Variants in FNDC3A observed in about 807,000 individuals in gnomAD.
FNDC3A encodes the protein fibronectin type-III domain-containing protein 3A.
FNDC3A carries 32 observed loss-of-function variants against 148.9 expected under a neutral mutation model. The observed-to-expected ratio is 0.21, with a 90% CI of 0.16 to 0.29. FNDC3A has a LOEUF of 0.29. Ranked by LOEUF, FNDC3A falls within the 10% of genes least tolerant of loss-of-function variation. The pLI is 1.00. For missense variants in FNDC3A, 1,191 were observed against 1,452.8 expected, an observed-to-expected ratio of 0.82 and a Z score of 2.93; for synonymous variants, 472 against 473.6, an observed-to-expected ratio of 1.00 and a Z score of 0.04.
In FNDC3A at chr13:49,032,265, G is replaced by GTTTTTTC. The variant is rs780835884; in HGVS notation, c.99+25976_99+25977insTTTTTTC. ...ACAGTTAAACATAGTGTTACCCTATGACCCAGTAATTTCACTCCTAGGTAT... is the reference window on the plus strand; with the variant it reads ...ACAGTTAAACATAGTGTTACCCTATGTTTTTTCACCCAGTAATTTCACTCCTAGGTAT... On this transcript the variant is annotated intron_variant, in intron 2 of 25. Transcript: ENST00000492622. 6.4e-3 allele frequency among the ~76,000 whole-genome samples: 970 copies of GTTTTTTC among 152,208 alleles called. 2 individuals carry two copies. Among genetic ancestry groups the GTTTTTTC allele is most frequent in the Middle Eastern group, 0.014 (4 of 294 alleles).
At chr13:49,144,196 A>C (rs988746847) in intron 7 of FNDC3A, among the ~76,000 whole-genome samples, 2 of 152,014 alleles carry the variant, frequency 1.3e-5, no homozygotes, top group African/African-American at 4.8e-5. Flanking sequence ...TTTGTTTTAA[A>C]AAAGAAAAAA....
At chr13:49,085,957 A>T (rs1878782142) in intron 3 of FNDC3A, among the ~76,000 whole-genome samples, 1 of 147,694 alleles carries the variant, frequency 6.8e-6, no homozygotes, top group South Asian at 2.1e-4. Flanking sequence ...ATCTCGGCTC[A>T]CTGCAACCTC....
intron 1 of FNDC3A, among the ~76,000 whole-genome samples, chr13:48,977,495 C>T (rs1363211185): frequency 6.6e-6 from 1 of 152,194 alleles, no homozygotes; most frequent in Non-Finnish European, 1.5e-5. Context: ...TATTTACTAA[C>T]TCTTGTCATC....
intron 24 of FNDC3A, among the ~76,000 whole-genome samples, 188 bp from the exon 25 acceptor site, chr13:49,202,969 A>G (rs773677344): frequency 6.6e-6 from 1 of 152,238 alleles, no homozygotes; most frequent in Non-Finnish European, 1.5e-5. Flanking sequence ...GTGAGATCCC[A>G]TATCTTAGAA....
chr13:49,112,307 A>G (rs1185958716), intron 3 of FNDC3A, among the ~76,000 whole-genome samples: 1 of 152,232 alleles, frequency 6.6e-6, no homozygotes, highest in Non-Finnish European at 1.5e-5. Context: ...TCAGGAAGTT[A>G]GTTTACTGTA....
chr13:49,174,752 T>C (rs1428779071), intron 12 of FNDC3A, among the ~76,000 whole-genome samples, 193 bp downstream of exon 12: 1 of 152,206 alleles, frequency 6.6e-6, no homozygotes, highest in African/African-American at 2.4e-5. Flanking sequence ...ACAGGAAACA[T>C]TAAACTTACA....
chr13:49,114,828 C>A, intron 4 of FNDC3A, 97 bp downstream of exon 4: 1 of 864,274 alleles, frequency 1.2e-6, no homozygotes. Flanking sequence ...CATTTAATTA[C>A]TGAGGCTTAC....
chr13:49,004,175 G>T (rs1160384721), intron 1 of FNDC3A, among the ~76,000 whole-genome samples: 1 of 152,078 alleles, frequency 6.6e-6, no homozygotes, highest in Non-Finnish European at 1.5e-5. Context: ...GATAAGACTA[G>T]AATGTAGAAA....
At chr13:49,046,951 C>G (rs1311542293) in intron 2 of FNDC3A, among the ~76,000 whole-genome samples, 3 of 152,064 alleles carry the variant, frequency 2.0e-5, no homozygotes, top group Non-Finnish European at 2.9e-5. Flanking sequence ...GTGCACCCAT[C>G]ATCCGAGCAG....
rs117595629 is a variant in FNDC3A, at chr13:49,034,805, A to G, written c.99+28516A>G. Among the ~76,000 whole-genome samples the G allele has an allele frequency of 2.4e-4, 37 of 152,164 alleles. No homozygotes were observed. In the East Asian group the frequency reaches 6.7e-3, roughly 28 times the overall value. ...TAAGGGGGTGCATGTTATTGCTCAA[A>G]TATAAGCCATGTGAGCAGTGAATTC... On this transcript the variant is annotated intron_variant, in intron 2 of 25. Coordinates refer to ENST00000492622, the MANE Select transcript of FNDC3A (RefSeq NM_001079673.2).
chr13:49,163,304 G>A (rs535347906), intron 8 of FNDC3A, among the ~76,000 whole-genome samples: 25 of 152,276 alleles, frequency 1.6e-4, no homozygotes, highest in East Asian at 9.7e-4. Context: ...TGAGCTTTCC[G>A]GCTGCTTTGT....
At chr13:49,058,354 G>A (rs1876410317) in intron 2 of FNDC3A, among the ~76,000 whole-genome samples, 1 of 152,132 alleles carries the variant, frequency 6.6e-6, no homozygotes, top group Non-Finnish European at 1.5e-5. Context: ...GATTAGGTCA[G>A]GGGTCGATCT....
intron 8 of FNDC3A, among the ~76,000 whole-genome samples, chr13:49,155,374 T>G (rs1883593938): frequency 6.6e-6 from 1 of 150,612 alleles, no homozygotes. Flanking sequence ...ATCCCCTTTA[T>G]CATTTTTTTT....
chr13:49,203,745 T>C (rs535732080), intron 25 of FNDC3A, among the ~76,000 whole-genome samples: 1 of 152,264 alleles, frequency 6.6e-6, no homozygotes, highest in Non-Finnish European at 1.5e-5. Context: ...GAGATGACTA[T>C]GGAGAGAAGA....
intron 1 of FNDC3A, among the ~76,000 whole-genome samples, chr13:48,984,969 A>G (rs990900989): frequency 7.4e-4 from 113 of 152,328 alleles, no homozygotes; most frequent in African/African-American, 2.6e-3. Context: ...GGCGTGAGCC[A>G]CTGTGCCCAG....
intron 11 of FNDC3A, among the ~76,000 whole-genome samples, chr13:49,173,101 G>A (rs886650473): frequency 2.0e-5 from 3 of 146,690 alleles, no homozygotes; most frequent in Non-Finnish European, 4.4e-5. Context: ...GTCCTGGGCC[G>A]CATGTGGCCC....
chr13:49,056,774 T>C (rs1235811038), intron 2 of FNDC3A, among the ~76,000 whole-genome samples: 1 of 152,216 alleles, frequency 6.6e-6, no homozygotes, highest in Non-Finnish European at 1.5e-5. Flanking sequence ...TTCTTAAATC[T>C]GCAGTCTGTT....
chr13:49,166,246 G>A (rs1460557852), intron 8 of FNDC3A, among the ~76,000 whole-genome samples: 1 of 152,218 alleles, frequency 6.6e-6, no homozygotes, highest in Non-Finnish European at 1.5e-5. Context: ...AGCTGCAGTT[G>A]CTGCAGACAG....
chr13:49,158,568 T>G (rs974079647), intron 8 of FNDC3A, among the ~76,000 whole-genome samples: 1 of 152,226 alleles, frequency 6.6e-6, no homozygotes. Context: ...TTCTGTAGGT[T>G]GCCTGTTCAC....
Sources: gnomAD v4.1 joint callset for allele counts (sites outside exome capture counted in the v4.1 genomes callset) on GRCh38, gnomAD v4.1.1 for gene constraint, MANE v1.5 for transcripts, NCBI Gene and HGNC (gene_info 2026-07-23, HGNC 2026-07-21) for gene names.